ANK2: variants seen among roughly 807,000 people sequenced by gnomAD.
ANK2 encodes the protein ankyrin 2.
A neutral mutation model predicts 360.5 loss-of-function variants in ANK2; 83 were observed. That is an observed-to-expected ratio of 0.23 (90% CI 0.19 to 0.28). The LOEUF is 0.28. Ranked by LOEUF, ANK2 falls within the 10% of genes least tolerant of loss-of-function variation. The pLI is 1.00. For synonymous variants in ANK2, 1,740 were observed against 1,759.5 expected, an observed-to-expected ratio of 0.99 and a Z score of 0.28; for missense variants, 4,201 against 4,795.7, an observed-to-expected ratio of 0.88 and a Z score of 3.66.
At chr4:113,122,255 C>T (rs986122741) in intron 1 of ANK2, among the ~76,000 whole-genome samples, 1 of 151,990 alleles carries the variant, frequency 6.6e-6, no homozygotes, top group Non-Finnish European at 1.5e-5. Flanking sequence ...ACAGCCTAGT[C>T]ATCCCTCTCA....
At chr4:113,015,015 C>T (rs975845799) in intron 2 of ANK2, among the ~76,000 whole-genome samples, 12 of 151,906 alleles carry the variant, frequency 7.9e-5, no homozygotes, top group South Asian at 2.1e-4. Flanking sequence ...CCCGCCACCA[C>T]GCCCGGCTAA....
intron 1 of ANK2, among the ~76,000 whole-genome samples, chr4:112,835,513 T>C (rs935726360): frequency 2.0e-5 from 3 of 152,192 alleles, no homozygotes; most frequent in African/African-American, 7.2e-5. Context: ...TCACTCTGTG[T>C]GTATGAATTT....
rs2153573756 is a variant in ANK2, at chr4:113,242,171, T to A, written c.853T>A (p.Leu285Ile). 1 of 1,614,058 alleles carries A rather than the reference T, an allele frequency of 6.2e-7. No homozygotes were observed. The highest frequency in any genetic ancestry group is 8.5e-7 in the Non-Finnish European group (1 of 1,179,934). ...KRGNTNMVKLLLDRGGQIDAK... is the reference protein window; with the variant it reads ...KRGNTNMVKLILDRGGQIDAK... ...AGGAAATACAAACATGGTGAAGCTC[T>A]TACTGGATCGAGGCGGTCAGATCGA... Residue 285 changes from leucine (L) to isoleucine (I), a missense_variant, in exon 9 of 46, where the codon TTA becomes ATA. Leu to Ile is a conservative substitution (Grantham distance 5, BLOSUM62 2). This residue lies in a region of ANK2 where 122 missense variants were observed against 239.3 expected (regional missense o/e 0.51). Transcript: ENST00000357077.
rs1289363566 is a variant in ANK2 at position 113,274,634 on chromosome 4, C to G, written c.1668C>G (p.His556Gln). 1.2e-6 allele frequency: 2 copies of G among 1,614,152 alleles called. No homozygotes were observed. The highest frequency in any genetic ancestry group is 1.7e-6 in the Non-Finnish European group (2 of 1,180,026). The change falls in exon 15 of 46, where the codon CAC (histidine) becomes CAG (glutamine). Residue 556 changes from histidine to glutamine, a missense_variant. This residue lies in a region of ANK2 where 1,268 missense variants were observed against 1,650.8 expected (regional missense o/e 0.77). Coordinates refer to ENST00000357077, the MANE Select transcript of ANK2 (RefSeq NM_001148.6). ...TCCTATTGGAAGCAGGAGCAGCCCACTCCTTAGCTACCAAGGTAAGGAGAA... is the reference window on the plus strand; with the variant it reads ...TCCTATTGGAAGCAGGAGCAGCCCAGTCCTTAGCTACCAAGGTAAGGAGAA... ...ASVLLEAGAAHSLATKKGFTP... is the reference protein window; with the variant it reads ...ASVLLEAGAAQSLATKKGFTP...
chr4:113,302,641 G>A, intron 22 of ANK2, 126 bp from the exon 23 acceptor site: 1 of 756,450 alleles, frequency 1.3e-6, no homozygotes, highest in Non-Finnish European at 2.3e-6. Context: ...ATACACGCGG[G>A]AAAGATCCCG....
At chr4:112,983,391 A>G (rs968275504) in intron 2 of ANK2, among the ~76,000 whole-genome samples, 27 of 151,726 alleles carry the variant, frequency 1.8e-4, no homozygotes, top group African/African-American at 6.1e-4. Flanking sequence ...AAAAAAAAAA[A>G]AGAGGCCGGG....
At chr4:113,015,228 T>G (rs1283859440) in intron 2 of ANK2, among the ~76,000 whole-genome samples, 1 of 152,202 alleles carries the variant, frequency 6.6e-6, no homozygotes, top group Non-Finnish European at 1.5e-5. Flanking sequence ...CACATAATAG[T>G]GTCTAACTTT....
intron 1 of ANK2, among the ~76,000 whole-genome samples, chr4:112,885,079 A>C (rs993730166): frequency 6.6e-6 from 1 of 152,224 alleles, no homozygotes; most frequent in Non-Finnish European, 1.5e-5. Flanking sequence ...TTCTTTTATT[A>C]AGTTTTAAAG....
intron 42 of ANK2, 67 bp from the exon 43 acceptor site, chr4:113,369,447 T>A: frequency 2.6e-6 from 4 of 1,562,974 alleles, no homozygotes; most frequent in Non-Finnish European, 3.5e-6. Flanking sequence ...TGCCTTTCGA[T>A]TTCCTTGCTT....
At chr4:113,348,430 A>G in intron 36 of ANK2, 122 bp downstream of exon 36, 1 of 1,005,614 alleles carries the variant, frequency 9.9e-7, no homozygotes, top group Non-Finnish European at 1.6e-6. Context: ...TTAAAGGGGC[A>G]CAATTTTACT....
chr4:113,237,040 G>A lies in ANK2; in HGVS notation c.537G>A (p.Val179=), dbSNP rs1157987731. The A allele has an allele frequency of 1.2e-6, 2 of 1,614,038 alleles. No homozygotes were observed. The highest frequency in any genetic ancestry group is 1.7e-6 in the Non-Finnish European group (2 of 1,180,034). Residue 179 remains valine, a synonymous_variant, in exon 6 of 46, where the codon GTG becomes GTA. Transcript: ENST00000357077. ...VALQQGHNQA[V]AILLENDTKG... The stretch of plus-strand genomic sequence containing the variant: ...TCCAGCAAGGACACAACCAGGCGGT[G>A]GCCATCCTCTTGGAGAATGACACCA...
intron 2 of ANK2, among the ~76,000 whole-genome samples, chr4:112,928,303 TAG>T (rs2092802595): frequency 6.6e-6 from 1 of 151,944 alleles, no homozygotes; most frequent in Non-Finnish European, 1.5e-5. Flanking sequence ...AAGTCTTAAA[TAG>T]AAAAATAGTA....
rs2154074787 is a variant in ANK2, at chr4:113,373,358, T to C, written c.11768T>C (p.Met3923Thr). The C allele has an allele frequency of 6.2e-7, 1 of 1,614,164 alleles. No individual in the cohort carries two copies. The highest frequency in any genetic ancestry group is 8.5e-7 in the Non-Finnish European group (1 of 1,180,012). Residue 3923 changes from methionine to threonine, a missense_variant, in exon 45 of 46, where the codon ATG (methionine) becomes ACG (threonine). By Grantham distance (81) the Met-to-Thr change is moderately conservative. Coordinates refer to ENST00000357077, the MANE Select transcript of ANK2 (RefSeq NM_001148.6). ...TEKEEIMVQG[M>T]PQEPVNIEEG... ...AAAGAAGAGATTATGGTGCAGGGAATGCCACAGGAACCTGTCAACATCGAG... is the reference window on the plus strand; with the variant it reads ...AAAGAAGAGATTATGGTGCAGGGAACGCCACAGGAACCTGTCAACATCGAG...
intron 2 of ANK2, among the ~76,000 whole-genome samples, chr4:112,940,218 A>T (rs2094106082): frequency 6.6e-6 from 1 of 152,172 alleles, no homozygotes; most frequent in Non-Finnish European, 1.5e-5. Flanking sequence ...TTCATATCAA[A>T]TATTTATTTG....
intron 1 of ANK2, among the ~76,000 whole-genome samples, chr4:112,894,389 G>A (rs149955861): frequency 2.6e-5 from 4 of 152,118 alleles, no homozygotes; most frequent in Non-Finnish European, 5.9e-5. Context: ...TTTGTATTTG[G>A]TGTTACATAC....
At chr4:113,092,059 A>G (rs538881092) in intron 1 of ANK2, among the ~76,000 whole-genome samples, 2 of 152,160 alleles carry the variant, frequency 1.3e-5, no homozygotes, top group South Asian at 4.1e-4. Context: ...GATTTTCCTT[A>G]TAAAACAAAA....
chr4:113,366,855 C>T (rs1273437099), intron 41 of ANK2, among the ~76,000 whole-genome samples: 1 of 152,062 alleles, frequency 6.6e-6, no homozygotes, highest in African/African-American at 2.4e-5. Context: ...CTTTTTATAT[C>T]TTATATCTTG....
At chr4:113,289,824 A>G (rs2153735450) in intron 20 of ANK2, among the ~76,000 whole-genome samples, 1 of 152,308 alleles carries the variant, frequency 6.6e-6, no homozygotes, top group East Asian at 1.9e-4. Flanking sequence ...TTCTCATGAA[A>G]TTGAACTTTG....
At position 113,012,544 on chromosome 4, in the gene ANK2, G is replaced by A. The variant is rs998890847; in HGVS notation, c.21+108030G>A. ...TACCCTTTCTATGGCTAGTGCCTGC[G>A]GTGTTTCAAGTGAGATACCAGTTTT... On this transcript the variant is annotated intron_variant, in intron 2 of 30. Transcript: ENST00000503271. Among the ~76,000 whole-genome samples the A allele has an allele frequency of 9.2e-5, 14 of 152,036 alleles. No homozygotes were observed. In the South Asian group the frequency reaches 2.1e-3, roughly 23 times the overall value.
Sources: gnomAD v4.1 joint callset for allele counts (sites outside exome capture counted in the v4.1 genomes callset) on GRCh38, gnomAD v4.1.1 for gene constraint, gnomAD v4.1.1 regional missense constraint, MANE v1.5 for transcripts, NCBI Gene and HGNC (gene_info 2026-07-23, HGNC 2026-07-21) for gene names.